SLC25A43: variants seen among roughly 807,000 people sequenced by gnomAD.
SLC25A43 encodes solute carrier family 25 member 43, also known as solute carrier family 25, member 43.
Under a neutral mutation model 22.8 loss-of-function variants are expected in SLC25A43, and 10 were observed. The ratio of observed to expected loss-of-function variants is 0.44; its 90% CI spans 0.27 to 0.74. The LOEUF is 0.74. Ranked by LOEUF, SLC25A43 falls within the 30% of genes least tolerant of loss-of-function variation. SLC25A43 has a pLI of 0.17. For synonymous variants in SLC25A43, 106 were observed against 121.6 expected (o/e 0.87, Z 0.84); for missense variants, 233 against 279.1 (o/e 0.83, Z 1.18).
At chrX:119,427,587 C>G (rs981413197) in intron 3 of SLC25A43, among the ~76,000 whole-genome samples, 4 of 112,224 alleles carry the variant, frequency 3.6e-5, no homozygotes, top group Non-Finnish European at 7.5e-5. Flanking sequence ...CAGAAAGGTT[C>G]ATTTACTCCA....
At chrX:119,422,204 C>T (rs774524030) in intron 3 of SLC25A43, among the ~76,000 whole-genome samples, 1 of 112,342 alleles carries the variant, frequency 8.9e-6, no homozygotes, top group East Asian at 2.8e-4. Flanking sequence ...CATGAGCCAC[C>T]GTGCCCGGCC....
chrX:119,431,011 G>A (rs1022487124), intron 3 of SLC25A43, among the ~76,000 whole-genome samples: 1 of 111,921 alleles, frequency 8.9e-6, no homozygotes, highest in Admixed American at 9.5e-5. Flanking sequence ...AGTCCTGAGC[G>A]TCAGAAGACA....
chrX:119,402,583 C>T (rs1462301627), intron 1 of SLC25A43, among the ~76,000 whole-genome samples: 2 of 111,930 alleles, frequency 1.8e-5, no homozygotes, highest in African/African-American at 3.2e-5. Context: ...TGGCTGCCAA[C>T]CTGTTAGGTT....
At chrX:119,429,023 T>A (rs1294543739) in intron 3 of SLC25A43, among the ~76,000 whole-genome samples, 1 of 110,429 alleles carries the variant, frequency 9.1e-6, no homozygotes, top group Non-Finnish European at 1.9e-5. Context: ...GCTAAATTCC[T>A]AGAATTTTTG....
chrX:119,406,629 C>T lies in SLC25A43; in HGVS notation c.445C>T (p.His149Tyr). 1 of 1,211,967 alleles carries T rather than the reference C, an allele frequency of 8.3e-7. No individual in the cohort carries two copies. Among genetic ancestry groups the T allele is most frequent in the African/African-American group, 1.7e-5 (1 of 57,880 alleles). Residue 149 changes from histidine to tyrosine, a missense_variant, in exon 2 of 5, where the codon CAT (histidine) becomes TAT (tyrosine). Transcript: ENST00000217909. ...GGAACCATCGTACAGGGGGCTCCTC[C>T]ATGCTTTTTCTACTATTTACCAACA... Reference protein sequence around the residue: ...ILEPSYRGLLHAFSTIYQQEG... With the variant: ...ILEPSYRGLLYAFSTIYQQEG...
At chrX:119,419,124 A>C (rs757348734) in intron 3 of SLC25A43, among the ~76,000 whole-genome samples, 1 of 111,918 alleles carries the variant, frequency 8.9e-6, no homozygotes, top group South Asian at 3.8e-4. Context: ...CTGCCCTGAA[A>C]ATCCAGGGAG....
intron 3 of SLC25A43, chrX:119,451,782 G>A: frequency 1.0e-6 from 1 of 999,151 alleles, no homozygotes; most frequent in Non-Finnish European, 1.3e-6. Context: ...CTTCCTTCCA[G>A]GCAAAATAAA....
rs1490311334 is a variant in SLC25A43, at chrX:119,399,376, C to T, written c.-28C>T. Reference sequence around the variant, plus strand: ...CGGAGAGCCCCAGGCCCGAGCCACGCGGTCTTCCGGGCCCGGGTCGGGGCT... The same window carrying T: ...CGGAGAGCCCCAGGCCCGAGCCACGTGGTCTTCCGGGCCCGGGTCGGGGCT... On this transcript the variant is annotated 5_prime_UTR_variant, in exon 1 of 5. Transcript: ENST00000217909. The T allele has an allele frequency of 4.4e-5, 42 of 962,393 alleles. 1 individual carries two copies. In the African/African-American group the frequency reaches 7.6e-4, roughly 17 times the overall value. The allele number at this position is 962,393 out of a possible 1,213,427, so 79.3% of individuals were successfully genotyped here. A position where few individuals can be genotyped will look rare whatever the true frequency, so the allele number is the denominator to read the frequency against.
intron 1 of SLC25A43, among the ~76,000 whole-genome samples, chrX:119,405,980 C>T (rs755244877): frequency 1.8e-5 from 2 of 110,953 alleles, no homozygotes; most frequent in Non-Finnish European, 3.8e-5. Flanking sequence ...TGAAGTGAGC[C>T]GAGATCGTGC....
intron 3 of SLC25A43, among the ~76,000 whole-genome samples, chrX:119,420,690 A>T (rs1368077731): frequency 8.9e-6 from 1 of 112,167 alleles, no homozygotes; most frequent in Non-Finnish European, 1.9e-5. Flanking sequence ...CAACTGTGCG[A>T]TCCTTGTTGC....
At chrX:119,404,370 A>C (rs1199375588) in intron 1 of SLC25A43, among the ~76,000 whole-genome samples, 1 of 111,411 alleles carries the variant, frequency 9.0e-6, no homozygotes, top group Admixed American at 9.6e-5. Context: ...GGGTTCGATT[A>C]ATTTGCTAGT....
intron 3 of SLC25A43, chrX:119,426,245 C>T: frequency 1.3e-6 from 1 of 755,462 alleles, no homozygotes; most frequent in Non-Finnish European, 1.6e-6. Flanking sequence ...CAGACTAGCT[C>T]AGTGGGTAAC....
At chrX:119,443,571 C>A (rs1460710599) in intron 3 of SLC25A43, among the ~76,000 whole-genome samples, 2 of 107,812 alleles carry the variant, frequency 1.9e-5, no homozygotes, top group African/African-American at 6.7e-5. Flanking sequence ...GCCTCAGCCT[C>A]CCAAGTAGCT....
intron 3 of SLC25A43, among the ~76,000 whole-genome samples, chrX:119,416,058 C>CAG (rs2052398110): frequency 9.7e-6 from 1 of 102,861 alleles, no homozygotes; most frequent in Admixed American, 1.1e-4. Flanking sequence ...ATGAAACAGT[C>CAG]ATCTAAGTTT....
chrX:119,445,403 G>A (rs758286843), intron 3 of SLC25A43, among the ~76,000 whole-genome samples: 1 of 112,364 alleles, frequency 8.9e-6, no homozygotes, highest in East Asian at 2.8e-4. Context: ...ATAGTTGGGG[G>A]TCATGAGAAA....
intron 3 of SLC25A43, among the ~76,000 whole-genome samples, chrX:119,418,750 G>A (rs932864091): frequency 4.5e-5 from 5 of 112,073 alleles, no homozygotes; most frequent in African/African-American, 1.6e-4. Flanking sequence ...ATGGCTTCTG[G>A]TGGGAAGGGG....
At chrX:119,442,494 T>C (rs1456685109) in intron 3 of SLC25A43, among the ~76,000 whole-genome samples, 1 of 112,056 alleles carries the variant, frequency 8.9e-6, no homozygotes, top group African/African-American at 3.2e-5. Flanking sequence ...AAATTTCCTC[T>C]TTTCAATATT....
In SLC25A43 at chrX:119,399,527, G is replaced by A; in HGVS notation, c.124G>A (p.Val42Ile). The part of the protein sequence containing the change: ...PLELATVLAQ[V>I]GVVRGHARGP... Reference sequence around the variant, plus strand: ...GGAGCTCGCCACCGTGCTGGCCCAGGTTGGCGTCGTGCGAGGCCACGCCCG... The same window carrying A: ...GGAGCTCGCCACCGTGCTGGCCCAGATTGGCGTCGTGCGAGGCCACGCCCG... The change falls in exon 1 of 5, where the codon GTT (valine) becomes ATT (isoleucine). Residue 42 changes from valine to isoleucine, a missense_variant. By Grantham distance (29) the Val-to-Ile change is conservative (BLOSUM62 3). Coordinates refer to ENST00000217909, the MANE Select transcript of SLC25A43 (RefSeq NM_145305.3). 1 of 1,089,452 alleles carries A rather than the reference G, an allele frequency of 9.2e-7. No individual in the cohort carries two copies. The highest frequency in any genetic ancestry group is 3.9e-5 in the East Asian group (1 of 25,738). 89.8% of individuals were successfully genotyped at this position (1,089,452 alleles called of 1,213,427 possible).
chrX:119,403,089 G>C (rs998570307), intron 1 of SLC25A43, among the ~76,000 whole-genome samples: 1 of 110,882 alleles, frequency 9.0e-6, no homozygotes, highest in African/African-American at 3.3e-5. Context: ...ACTCCCTTAG[G>C]CTCTATGCTG....
Sources: gnomAD v4.1 joint callset for allele counts (sites outside exome capture counted in the v4.1 genomes callset) on GRCh38, gnomAD v4.1.1 for gene constraint, MANE v1.5 for transcripts, NCBI Gene and HGNC (gene_info 2026-07-23, HGNC 2026-07-21) for gene names.